Variants in MBOAT2 observed in about 807,000 individuals in gnomAD.
The protein encoded by MBOAT2 is membrane bound glycerophospholipid O-acyltransferase 2.
MBOAT2 carries 28 observed loss-of-function variants against 63.4 expected under a neutral mutation model. That is an observed-to-expected ratio of 0.44 (90% CI 0.33 to 0.61). MBOAT2 has a LOEUF of 0.61. MBOAT2 is among the 20% of genes least tolerant of loss of function. MBOAT2 has a pLI of 0.03. For missense variants in MBOAT2, 470 were observed against 605.8 expected, an observed-to-expected ratio of 0.78 and a Z score of 2.35; for synonymous variants, 211 against 215.6, an observed-to-expected ratio of 0.98 and a Z score of 0.19.
intron 9 of MBOAT2, among the ~76,000 whole-genome samples, chr2:8,867,001 ATCTCT>A (rs906836114): frequency 2.0e-5 from 3 of 152,100 alleles, no homozygotes; most frequent in Admixed American, 2.0e-4. Flanking sequence ...AGTTTTAGTA[ATCTCT>A]TCTATTTGGA....
At position 8,858,914 on chromosome 2, in the gene MBOAT2, A is replaced by G; in HGVS notation, c.1338-10T>C. ...GCAATAATACCAGGAGCTAAAAGAA[A>G]AAGGGAAAAAGTTTATTAAAACTTG... On this transcript the variant is annotated splice_polypyrimidine_tract_variant and intron_variant, in intron 12 of 12. Coordinates refer to ENST00000305997, the MANE Select transcript of MBOAT2 (RefSeq NM_138799.4). The G allele has an allele frequency of 6.4e-7, 1 of 1,574,154 alleles. No homozygotes were observed. Among genetic ancestry groups the G allele is most frequent in the East Asian group, 2.2e-5 (1 of 44,554 alleles).
intron 1 of MBOAT2, among the ~76,000 whole-genome samples, chr2:8,981,771 C>T (rs1671210180): frequency 6.6e-6 from 1 of 152,146 alleles, no homozygotes; most frequent in Admixed American, 6.5e-5. Flanking sequence ...TGTTGGCTAG[C>T]TGAAGTGGGT....
intron 3 of MBOAT2, among the ~76,000 whole-genome samples, chr2:8,927,520 C>A (rs1003725239): frequency 6.6e-6 from 1 of 152,164 alleles, no homozygotes; most frequent in Non-Finnish European, 1.5e-5. Context: ...GTAGCTCCGT[C>A]GAGTTGCGTT....
chr2:8,930,170 T>G (rs1667215949), intron 3 of MBOAT2, among the ~76,000 whole-genome samples: 1 of 152,204 alleles, frequency 6.6e-6, no homozygotes, highest in African/African-American at 2.4e-5. Context: ...ACAATTCCAG[T>G]TTTCCTCAAG....
In MBOAT2 at chr2:8,886,995, T is replaced by C. The variant is rs144623785; in HGVS notation, c.451+1023A>G. On this transcript the variant is annotated intron_variant, in intron 5 of 12. Transcript: ENST00000305997. The stretch of plus-strand genomic sequence containing the variant: ...GAACTACAAGACACTGTGCATAAAT[T>C]ATAATCCAAGAAAAAACCCTCCAAG... Among the ~76,000 whole-genome samples, 174 of 152,210 alleles carry C rather than the reference T, an allele frequency of 1.1e-3. 2 individuals carry two copies. The highest frequency in any genetic ancestry group is 6.6e-3 in the Admixed American group (101 of 15,290).
rs1351202343 is a variant in MBOAT2, at chr2:8,857,215, G to A, written c.*1464C>T. On this transcript the variant is annotated 3_prime_UTR_variant, in exon 13 of 13. Coordinates refer to ENST00000305997, the MANE Select transcript of MBOAT2 (RefSeq NM_138799.4). ...TAAAAATTTAAGGCAAAAAGTAAAAGTAAGTTCCATACATAGGTCAAACAA... is the reference window on the plus strand; with the variant it reads ...TAAAAATTTAAGGCAAAAAGTAAAAATAAGTTCCATACATAGGTCAAACAA... 6.6e-6 allele frequency: 1 copy of A among 152,582 alleles called. No homozygotes were observed. The highest frequency in any genetic ancestry group is 2.4e-5 in the African/African-American group (1 of 41,422). 9.5% of individuals were successfully genotyped at this position (152,582 alleles called of 1,614,324 possible).
rs2103236448 is a variant in MBOAT2, at chr2:8,942,868, G to A, written c.299+319C>T. Among the ~76,000 whole-genome samples the A allele has an allele frequency of 2.6e-5, 4 of 152,200 alleles. 1 individual carries two copies. In the Middle Eastern group the frequency reaches 0.014, roughly 521 times the overall value. On this transcript the variant is annotated intron_variant, in intron 3 of 12. Coordinates refer to ENST00000305997, the MANE Select transcript of MBOAT2 (RefSeq NM_138799.4). Reference sequence around the variant, plus strand: ...CTCCAAGAGACATGTGAAAATATCTGGAAACATTTATGGTCGTCACAGCTC... The same window carrying A: ...CTCCAAGAGACATGTGAAAATATCTAGAAACATTTATGGTCGTCACAGCTC...
intron 4 of MBOAT2, among the ~76,000 whole-genome samples, chr2:8,896,337 G>T (rs1051644094): frequency 6.6e-6 from 1 of 151,720 alleles, no homozygotes; most frequent in African/African-American, 2.4e-5. Context: ...ATCCCTGACT[G>T]GTTAGTGTAA....
At chr2:8,913,530 C>T (rs928346843) in intron 3 of MBOAT2, among the ~76,000 whole-genome samples, 7 of 152,016 alleles carry the variant, frequency 4.6e-5, no homozygotes, top group African/African-American at 1.4e-4. Context: ...CATGAATAGA[C>T]AATTCTCAAA....
intron 6 of MBOAT2, among the ~76,000 whole-genome samples, chr2:8,879,986 G>A (rs560566820): frequency 3.5e-4 from 53 of 152,228 alleles, no homozygotes; most frequent in Admixed American, 2.2e-3. Context: ...GTGAGGAAGC[G>A]TGGTCGAGCT....
intron 5 of MBOAT2, among the ~76,000 whole-genome samples, chr2:8,883,542 AG>A (rs1160964061): frequency 6.6e-6 from 1 of 152,264 alleles, no homozygotes; most frequent in Admixed American, 6.5e-5. Context: ...AAAATGCCTC[AG>A]GAACTATTCT....
intron 3 of MBOAT2, among the ~76,000 whole-genome samples, chr2:8,929,643 G>A (rs796892832): frequency 1.6e-4 from 25 of 152,328 alleles, no homozygotes; most frequent in African/African-American, 5.5e-4. Flanking sequence ...GTGAGCCACC[G>A]CACCTGGCTG....
chr2:8,996,399 G>A (rs1041529968), intron 1 of MBOAT2, among the ~76,000 whole-genome samples: 5 of 152,192 alleles, frequency 3.3e-5, no homozygotes, highest in Admixed American at 2.6e-4. Context: ...AAGTCATATT[G>A]AAGCAACCCT....
rs145142011 is a variant in MBOAT2 at position 8,911,975 on chromosome 2, A to G, written c.300-3259T>C. Among the ~76,000 whole-genome samples, 693 of 152,276 alleles carry G rather than the reference A, an allele frequency of 4.6e-3. 3 individuals are homozygous for G. Among genetic ancestry groups the G allele is most frequent in the African/African-American group, 0.015 (642 of 41,550 alleles). On this transcript the variant is annotated intron_variant, in intron 3 of 12. Coordinates refer to ENST00000305997, the MANE Select transcript of MBOAT2 (RefSeq NM_138799.4). The stretch of plus-strand genomic sequence containing the variant: ...GAATACAGTGCAAATCATAAACAGA[A>G]TTAAAAACAAAAATCACATGATATC...
At chr2:8,864,864 C>A (rs956689556) in intron 9 of MBOAT2, among the ~76,000 whole-genome samples, 3 of 152,228 alleles carry the variant, frequency 2.0e-5, no homozygotes, top group African/African-American at 7.2e-5. Flanking sequence ...TAACTCTCTC[C>A]TCCTCTGGTC....
At chr2:8,998,062 T>C (rs1161333106) in intron 1 of MBOAT2, among the ~76,000 whole-genome samples, 1 of 152,210 alleles carries the variant, frequency 6.6e-6, no homozygotes, top group Non-Finnish European at 1.5e-5. Flanking sequence ...CAAAAAGAAT[T>C]TGGGCAGCTT....
chr2:8,920,308 C>G (rs1012469738), intron 3 of MBOAT2, among the ~76,000 whole-genome samples: 3 of 152,176 alleles, frequency 2.0e-5, no homozygotes, highest in African/African-American at 7.2e-5. Flanking sequence ...ACTATCCTTT[C>G]CCAACTGCCT....
chr2:8,998,898 C>T (rs936220180), intron 1 of MBOAT2, among the ~76,000 whole-genome samples: 1 of 152,140 alleles, frequency 6.6e-6, no homozygotes, highest in East Asian at 1.9e-4. Flanking sequence ...TAAATACATA[C>T]GTGCACGCAC....
rs1661036283 is a variant in MBOAT2, at chr2:8,855,700, G to A, written c.*2979C>T. The A allele has an allele frequency of 6.6e-6, 1 of 152,122 alleles. No homozygotes were observed. Among genetic ancestry groups the A allele is most frequent in the Admixed American group, 6.5e-5 (1 of 15,272 alleles). The allele number at this position is 152,122 out of a possible 1,614,324, so 9.4% of individuals were successfully genotyped here. A position where few individuals can be genotyped will look rare whatever the true frequency, so the allele number is the denominator to read the frequency against. On this transcript the variant is annotated 3_prime_UTR_variant, in exon 13 of 13. Coordinates refer to ENST00000305997, the MANE Select transcript of MBOAT2 (RefSeq NM_138799.4). ...AACAGAATGAGCCACTTATAAAATG[G>A]TGACAGCTGAGGCATACCAAATTAT...
Sources: gnomAD v4.1 joint callset for allele counts (sites outside exome capture counted in the v4.1 genomes callset) on GRCh38, gnomAD v4.1.1 for gene constraint, MANE v1.5 for transcripts, NCBI Gene and HGNC (gene_info 2026-07-23, HGNC 2026-07-21) for gene names.